The following SEC23A variants were observed in gnomAD, a reference collection of about 807,000 sequenced individuals.
The protein encoded by SEC23A is SEC23 homolog A, COPII component.
In SEC23A, 56 loss-of-function variants were observed where a neutral mutation model predicts 103.7. The observed-to-expected ratio is 0.54, with a 90% CI of 0.44 to 0.67. SEC23A has a LOEUF of 0.67. Ranked by LOEUF, SEC23A falls within the 30% of genes least tolerant of loss-of-function variation. SEC23A has a pLI of 0.00. For synonymous variants in SEC23A, 281 were observed against 293.0 expected, an observed-to-expected ratio of 0.96 and a Z score of 0.42; for missense variants, 784 against 936.4, an observed-to-expected ratio of 0.84 and a Z score of 2.12.
At chr14:39,099,013 C>T (rs1181014014) in intron 1 of SEC23A, among the ~76,000 whole-genome samples, 1 of 151,878 alleles carries the variant, frequency 6.6e-6, no homozygotes, top group Non-Finnish European at 1.5e-5. Context: ...AAGGATAGTA[C>T]ATAACTAGTA....
chr14:39,099,741 C>G (rs1256430237), intron 1 of SEC23A, among the ~76,000 whole-genome samples: 1 of 152,164 alleles, frequency 6.6e-6, no homozygotes. Context: ...CACTCCTAAG[C>G]TTTCAGATTC....
intron 9 of SEC23A, among the ~76,000 whole-genome samples, chr14:39,068,673 T>C (rs1472589299): frequency 6.6e-6 from 1 of 152,116 alleles, no homozygotes; most frequent in Non-Finnish European, 1.5e-5. Context: ...AGAGGAAAGA[T>C]GTATAAAATA....
At chr14:39,090,985 G>A in intron 5 of SEC23A, 1 of 353,812 alleles carries the variant, frequency 2.8e-6, no homozygotes, top group Non-Finnish European at 5.3e-6. Flanking sequence ...TGCTGCACCT[G>A]CAGAAGGTCC....
chr14:39,085,518 TTAGA>T (rs1024611819), intron 7 of SEC23A, among the ~76,000 whole-genome samples: 2 of 152,100 alleles, frequency 1.3e-5, no homozygotes, highest in African/African-American at 2.4e-5. Context: ...TTATCTCCAG[TTAGA>T]TAGTATCAGA....
rs1347177443 is a variant in SEC23A, at chr14:39,085,687, TATAC to T, written c.828+71_828+74del. The T allele has an allele frequency of 5.8e-4, 681 of 1,179,004 alleles. 9 individuals are homozygous for T. The highest frequency in any genetic ancestry group is 1.1e-3 in the African/African-American group (56 of 51,784). 73.0% of individuals were successfully genotyped at this position (1,179,004 alleles called of 1,614,324 possible). A position where few individuals can be genotyped will look rare whatever the true frequency, so the allele number is the denominator to read the frequency against. On this transcript the variant is annotated intron_variant, in intron 7 of 19. Transcript: ENST00000307712. Reference sequence around the variant, plus strand: ...GGTTCTTCTTATCCTTATAATTATATATACACACACACACACACACACACACACA... The same window carrying T: ...GGTTCTTCTTATCCTTATAATTATATACACACACACACACACACACACACA...
chr14:39,060,983 T>G (rs1886452831), intron 13 of SEC23A, among the ~76,000 whole-genome samples: 1 of 152,212 alleles, frequency 6.6e-6, no homozygotes, highest in South Asian at 2.1e-4. Flanking sequence ...CTAGTCAAAG[T>G]GTGGTATGTG....
At chr14:39,075,181 A>G (rs1448947302) in intron 8 of SEC23A, among the ~76,000 whole-genome samples, 2 of 152,192 alleles carry the variant, frequency 1.3e-5, no homozygotes, top group Non-Finnish European at 2.9e-5. Context: ...AAAACATCCA[A>G]AAATAGAGAA....
In SEC23A at chr14:39,058,303, A is replaced by G. The variant is rs374339319; in HGVS notation, c.1506-3007T>C. 5.5e-5 allele frequency among the ~76,000 whole-genome samples: 8 copies of G among 146,204 alleles called. No individual in the cohort carries two copies. The East Asian group carries it at 1.4e-3, about 25-fold the overall frequency. ...CTTTCTGTATTTTTTTTTTTTTTTAATTTTTTTTATTTTTTGAGACGGAGT... is the reference window on the plus strand; with the variant it reads ...CTTTCTGTATTTTTTTTTTTTTTTAGTTTTTTTTATTTTTTGAGACGGAGT... On this transcript the variant is annotated intron_variant, in intron 13 of 19. Transcript: ENST00000307712.
At chr14:39,040,166 A>C (rs1253490240) in intron 18 of SEC23A, 1 of 152,342 alleles carries the variant, frequency 6.6e-6, no homozygotes, top group African/African-American at 2.4e-5. Context: ...TATGTTAAGG[A>C]ACCTAACTTA....
chr14:39,035,035 C>G (rs1352800703), intron 19 of SEC23A, among the ~76,000 whole-genome samples: 1 of 152,104 alleles, frequency 6.6e-6, no homozygotes, highest in Non-Finnish European at 1.5e-5. Flanking sequence ...ATCAAATTAA[C>G]TTGATTAAAA....
chr14:39,091,472 T>C lies in SEC23A; in HGVS notation c.603+5A>G, dbSNP rs777431011. 1.9e-6 allele frequency: 3 copies of C among 1,605,270 alleles called. No individual in the cohort carries two copies. The highest frequency in any genetic ancestry group is 1.7e-6 in the Non-Finnish European group (2 of 1,172,058). Reference sequence around the variant, plus strand: ...TAGGTAAAAACTACCATTCTTGTTGTTTACCTGCAGTTGTTTGGCAGACAA... The same window carrying C: ...TAGGTAAAAACTACCATTCTTGTTGCTTACCTGCAGTTGTTTGGCAGACAA... On this transcript the variant is annotated splice_donor_5th_base_variant and intron_variant, in intron 5 of 19. Coordinates refer to ENST00000307712, the MANE Select transcript of SEC23A (RefSeq NM_006364.4).
intron 1 of SEC23A, among the ~76,000 whole-genome samples, chr14:39,100,691 G>A (rs1289158464): frequency 6.6e-6 from 1 of 151,952 alleles, no homozygotes; most frequent in Non-Finnish European, 1.5e-5. Context: ...GGGATTACAG[G>A]TGTGAGCCAC....
intron 7 of SEC23A, among the ~76,000 whole-genome samples, chr14:39,080,310 G>GA (rs1887179841): frequency 6.6e-6 from 1 of 151,160 alleles, no homozygotes; most frequent in Non-Finnish European, 1.5e-5. Flanking sequence ...AGGCACTAAA[G>GA]AAAAGAAAAA....
chr14:39,074,934 C>T (rs1244553235), intron 8 of SEC23A, among the ~76,000 whole-genome samples: 1 of 151,816 alleles, frequency 6.6e-6, no homozygotes. Context: ...GGTGAAACCC[C>T]GTCTCTACTA....
chr14:39,080,676 G>A (rs573965191), intron 7 of SEC23A, among the ~76,000 whole-genome samples: 1 of 152,280 alleles, frequency 6.6e-6, no homozygotes, highest in East Asian at 1.9e-4. Context: ...AAAGTGCTGG[G>A]ATTACAGGCA....
At chr14:39,050,498 A>G (rs1335422587) in intron 14 of SEC23A, among the ~76,000 whole-genome samples, 4 of 152,228 alleles carry the variant, frequency 2.6e-5, no homozygotes, top group African/African-American at 9.6e-5. Flanking sequence ...AATAGTCTTA[A>G]GACAGAAGAT....
Position 39,067,153 on chromosome 14 carries a change from T to A in SEC23A, c.1227+20A>T. 1 of 1,613,594 alleles carries A rather than the reference T, an allele frequency of 6.2e-7. No homozygotes were observed. Among genetic ancestry groups the A allele is most frequent in the East Asian group, 2.2e-5 (1 of 44,778 alleles). ...TTGTCTTTTGATAACATATCGCACA[T>A]GTCAAGTTTTGGTTCTTACCTTTAT... is the stretch of plus-strand genomic sequence containing the variant. On this transcript the variant is annotated intron_variant, in intron 10 of 19. Coordinates refer to ENST00000307712, the MANE Select transcript of SEC23A (RefSeq NM_006364.4).
rs766066882 is a variant in SEC23A, at chr14:39,075,983, C to A, written c.939G>T (p.Trp313Cys). Reference protein sequence around the residue: ...GDELKTPIRSWHDIDKDNAKY... With the variant: ...GDELKTPIRSCHDIDKDNAKY... ...TGGCATTGTCTTTGTCAATGTCATGCCACGATCTTATAGGTGTCTTCAACT... is the reference window on the plus strand; with the variant it reads ...TGGCATTGTCTTTGTCAATGTCATGACACGATCTTATAGGTGTCTTCAACT... The change falls in exon 8 of 20, where the codon TGG becomes TGT. Residue 313 changes from tryptophan (W) to cysteine (C), a missense_variant. Physicochemically the swap from Trp to Cys is radical, Grantham distance 215. Coordinates refer to ENST00000307712, the MANE Select transcript of SEC23A (RefSeq NM_006364.4). 1.2e-6 allele frequency: 2 copies of A among 1,613,896 alleles called. No homozygotes were observed.
chr14:39,096,025 T>C lies in SEC23A; in HGVS notation c.94A>G (p.Thr32Ala). ...NVWPSSRLEATRMVVPVAALF... is the reference protein window; with the variant it reads ...NVWPSSRLEAARMVVPVAALF... ...GCTGCCACAGGAACAACCATTCTTG[T>C]AGCTTCCAGTCGACTTGATGGCCAA... is the stretch of plus-strand genomic sequence containing the variant. The change falls in exon 2 of 20, where the codon ACA becomes GCA. Residue 32 changes from threonine to alanine, a missense_variant. Around this residue, in one of 2 missense-constraint regions of SEC23A, gnomAD observed 683 missense variants for 774.2 expected, o/e 0.88. Coordinates refer to ENST00000307712, the MANE Select transcript of SEC23A (RefSeq NM_006364.4). 4.3e-6 allele frequency: 7 copies of C among 1,614,122 alleles called. No homozygotes were observed. Among genetic ancestry groups the C allele is most frequent in the Non-Finnish European group, 5.1e-6 (6 of 1,179,960 alleles).
Sources: allele counts gnomAD v4.1 joint callset (sites outside exome capture counted in the v4.1 genomes callset), GRCh38; gene constraint gnomAD v4.1.1; regional missense constraint gnomAD v4.1.1; transcripts MANE v1.5; gene names NCBI Gene and HGNC (gene_info 2026-07-23, HGNC 2026-07-21).